Variants in PCDHA1 observed in about 807,000 individuals in gnomAD.
PCDHA1 encodes protocadherin alpha 1.
Under a neutral mutation model 61.3 loss-of-function variants are expected in PCDHA1, and 42 were observed. That is an observed-to-expected ratio of 0.69 (90% CI 0.54 to 0.89). PCDHA1 has a LOEUF of 0.89. Ranked by LOEUF, PCDHA1 falls within the 40% of genes least tolerant of loss-of-function variation. PCDHA1 has a pLI of 0.00. For synonymous variants in PCDHA1, 610 were observed against 553.8 expected, an observed-to-expected ratio of 1.10 and a Z score of -1.43; for missense variants, 1,256 against 1,235.3, an observed-to-expected ratio of 1.02 and a Z score of -0.25.
intron 1 of PCDHA1, among the ~76,000 whole-genome samples, chr5:140,895,742 G>T (rs2065139471): frequency 6.6e-6 from 1 of 152,110 alleles, no homozygotes; most frequent in South Asian, 2.1e-4. Context: ...GGGCTGCAAA[G>T]GGCATGATCT....
At chr5:140,884,493 C>G (rs782633321) in intron 1 of PCDHA1, 4 of 1,613,920 alleles carry the variant, frequency 2.5e-6, no homozygotes, top group South Asian at 1.1e-5. Context: ...CTAGTGTGCT[C>G]CAGCGCGGCA....
chr5:140,936,275 T>C (rs1423652397), intron 1 of PCDHA1, among the ~76,000 whole-genome samples: 1 of 152,216 alleles, frequency 6.6e-6, no homozygotes, highest in African/African-American at 2.4e-5. Context: ...TATATTCCTG[T>C]GTTTTCTTCT....
intron 1 of PCDHA1, chr5:140,851,823 G>GT (rs1343370929): frequency 9.3e-6 from 9 of 962,984 alleles, no homozygotes; most frequent in South Asian, 4.8e-5. Context: ...ACAGAAATCT[G>GT]TTTTTTTAAA....
intron 1 of PCDHA1, chr5:140,868,793 C>T: frequency 3.1e-6 from 1 of 326,092 alleles, no homozygotes; most frequent in Non-Finnish European, 5.5e-6. Context: ...CTGAATATTC[C>T]ATAAATAAGC....
intron 1 of PCDHA1, chr5:140,883,880 C>A: frequency 6.2e-7 from 1 of 1,613,304 alleles, no homozygotes. Context: ...GGTGAGCGCG[C>A]GCGACTCTGG....
At chr5:140,833,791 C>T (rs1164373898) in intron 1 of PCDHA1, among the ~76,000 whole-genome samples, 2 of 152,062 alleles carry the variant, frequency 1.3e-5, no homozygotes, top group Non-Finnish European at 2.9e-5. Context: ...TCTCTTTCAT[C>T]AATCAGTAGA....
intron 1 of PCDHA1, chr5:140,862,344 G>C (rs1303625702): frequency 3.0e-6 from 1 of 333,098 alleles, no homozygotes; most frequent in Non-Finnish European, 5.9e-6. Flanking sequence ...CCTAACTTCA[G>C]TGCCAAGGGA....
intron 1 of PCDHA1, among the ~76,000 whole-genome samples, chr5:140,958,679 A>G (rs1317780380): frequency 6.6e-6 from 1 of 152,200 alleles, no homozygotes; most frequent in Non-Finnish European, 1.5e-5. Context: ...ATTATAAAGG[A>G]TATTGAATAT....
chr5:140,912,860 G>T (rs1554195574), intron 1 of PCDHA1, among the ~76,000 whole-genome samples: 1 of 152,182 alleles, frequency 6.6e-6, no homozygotes, highest in South Asian at 2.1e-4. Flanking sequence ...CAATTGAAAT[G>T]ATATATGGTT....
intron 1 of PCDHA1, among the ~76,000 whole-genome samples, chr5:140,923,975 T>C (rs1475895954): frequency 2.0e-5 from 3 of 152,222 alleles, no homozygotes; most frequent in African/African-American, 7.2e-5. Flanking sequence ...CCACACATAC[T>C]ATCCCTCTAG....
intron 1 of PCDHA1, among the ~76,000 whole-genome samples, chr5:140,938,121 A>C (rs981387543): frequency 6.6e-6 from 1 of 151,892 alleles, no homozygotes; most frequent in South Asian, 2.1e-4. Flanking sequence ...CTCTTTTTTT[A>C]AAAAAATAGA....
chr5:140,917,370 C>G (rs571895312), intron 1 of PCDHA1, among the ~76,000 whole-genome samples: 24 of 150,458 alleles, frequency 1.6e-4, no homozygotes, highest in African/African-American at 5.8e-4. Context: ...CTATCTTGCT[C>G]CACCTCAATA....
At chr5:140,827,971 A>G in intron 1 of PCDHA1, 7 of 1,390,040 alleles carry the variant, frequency 5.0e-6, no homozygotes, top group Middle Eastern at 1.9e-4. Context: ...TTACTGCATC[A>G]TTCCCTGACT....
chr5:140,939,240 AGGT>A (rs1314261929), intron 1 of PCDHA1, among the ~76,000 whole-genome samples: 2 of 152,170 alleles, frequency 1.3e-5, no homozygotes, highest in African/African-American at 4.8e-5. Context: ...GGAAGGAGCA[AGGT>A]AGCTCTCTGG....
At chr5:140,982,273 A>G (rs1554243953) in intron 2 of PCDHA1, 2 of 943,086 alleles carry the variant, frequency 2.1e-6, no homozygotes, top group Non-Finnish European at 3.0e-6. Context: ...CTGGAATAGT[A>G]TAGCAGGCAA....
At chr5:140,869,924 A>G (rs2051503420) in intron 1 of PCDHA1, 3 of 1,611,514 alleles carry the variant, frequency 1.9e-6, no homozygotes, top group African/African-American at 1.3e-5. Flanking sequence ...GAAGGAGTCA[A>G]TGGAGAGGTA....
intron 1 of PCDHA1, among the ~76,000 whole-genome samples, chr5:140,970,569 C>T (rs1346474165): frequency 3.9e-5 from 6 of 152,038 alleles, no homozygotes; most frequent in African/African-American, 1.4e-4. Flanking sequence ...CATATGTATG[C>T]TTGAAATAAC....
At chr5:140,817,284 G>A (rs1412260220) in intron 1 of PCDHA1, 1 of 152,288 alleles carries the variant, frequency 6.6e-6, no homozygotes, top group Non-Finnish European at 1.5e-5. Flanking sequence ...TGTGCTGCTG[G>A]ATGGGACTAT....
rs2150163001 is a variant in PCDHA1 at position 140,829,146 on chromosome 5, T to G, written c.2394+40462T>G. The G allele has an allele frequency of 1.9e-6, 3 of 1,613,730 alleles. No individual in the cohort carries two copies. Among genetic ancestry groups the G allele is most frequent in the Non-Finnish European group, 1.7e-6 (2 of 1,179,704 alleles). ...AATGATAACGTCCCTGAGATAGCAC[T>G]GACTTCCTTATCCTTGCCTGTACGT... On this transcript the variant is annotated intron_variant, in intron 1 of 3. Coordinates refer to ENST00000504120, the MANE Select transcript of PCDHA1 (RefSeq NM_018900.4).
Sources: allele counts gnomAD v4.1 joint callset (sites outside exome capture counted in the v4.1 genomes callset), GRCh38; gene constraint gnomAD v4.1.1; transcripts MANE v1.5; gene names NCBI Gene and HGNC (gene_info 2026-07-23, HGNC 2026-07-21).